ASTN1: variants seen among roughly 807,000 people sequenced by gnomAD.
ASTN1 encodes astrotactin 1.
A neutral mutation model predicts 140.7 loss-of-function variants in ASTN1; 41 were observed. That is an observed-to-expected ratio of 0.29 (90% CI 0.23 to 0.38). ASTN1 has a LOEUF of 0.38. Ranked by LOEUF, ASTN1 falls within the 10% of genes least tolerant of loss-of-function variation. ASTN1 has a pLI of 1.00. For missense variants in ASTN1, 1,479 were observed against 1,678.8 expected (o/e 0.88, Z 2.08); for synonymous variants, 640 against 652.2 (o/e 0.98, Z 0.29).
At chr1:176,919,878 G>A (rs2103071681) in intron 16 of ASTN1, among the ~76,000 whole-genome samples, 1 of 152,334 alleles carries the variant, frequency 6.6e-6, no homozygotes, top group East Asian at 1.9e-4. Context: ...AGAATGTCAG[G>A]GGAGTGCCAG....
chr1:176,934,516 C>T lies in ASTN1; in HGVS notation c.2483-176G>A, dbSNP rs528381851. ...TTAGCTAAATGAGACATTTCAGTTC[C>T]TAAGTGAGTATCTTTTAAGCCAGTT... is the stretch of plus-strand genomic sequence containing the variant. On this transcript the variant is annotated intron_variant, in intron 15 of 22. Transcript: ENST00000361833. Among the ~76,000 whole-genome samples the T allele has an allele frequency of 1.4e-4, 21 of 152,202 alleles. 1 individual carries two copies. Among genetic ancestry groups the T allele is most frequent in the Admixed American group, 1.4e-3 (21 of 15,294 alleles).
intron 1 of ASTN1, among the ~76,000 whole-genome samples, chr1:177,093,139 A>G (rs57108422): frequency 0.03 from 4,569 of 152,316 alleles, 111 homozygotes; most frequent in East Asian, 0.11. Context: ...CTCTGAATAT[A>G]TATTTGTTGG....
chr1:176,883,492 C>G (rs1365501942), intron 19 of ASTN1, among the ~76,000 whole-genome samples: 1 of 152,154 alleles, frequency 6.6e-6, no homozygotes, highest in Non-Finnish European at 1.5e-5. Flanking sequence ...CAACGCCTGG[C>G]CTGGGCGCTC....
At chr1:177,061,308 G>A in intron 1 of ASTN1, 43 bp from the exon 2 acceptor site, 2 of 1,428,672 alleles carry the variant, frequency 1.4e-6, no homozygotes, top group South Asian at 3.3e-5. Flanking sequence ...ATTAGGATGG[G>A]ACCAAGTTTT....
At chr1:176,973,291 G>C (rs372705623) in intron 8 of ASTN1, among the ~76,000 whole-genome samples, 1 of 152,034 alleles carries the variant, frequency 6.6e-6, no homozygotes, top group Non-Finnish European at 1.5e-5. Flanking sequence ...CTGTTTTCCC[G>C]ACCTTCACCC....
intron 8 of ASTN1, among the ~76,000 whole-genome samples, chr1:176,995,419 T>G (rs541696796): frequency 2.0e-5 from 3 of 152,204 alleles, no homozygotes; most frequent in Non-Finnish European, 2.9e-5. Flanking sequence ...ACTATCTGCA[T>G]GCAGATTTTA....
chr1:176,972,757 C>T (rs543317815), intron 8 of ASTN1, among the ~76,000 whole-genome samples: 1 of 152,086 alleles, frequency 6.6e-6, no homozygotes, highest in African/African-American at 2.4e-5. Flanking sequence ...TAGTAGAAAA[C>T]AAACTTATTT....
rs142140694 is a variant in ASTN1 at position 176,888,134 on chromosome 1, C to T, written c.3011G>A (p.Arg1004Gln). The change falls in exon 18 of 23, where the codon CGA becomes CAA. Residue 1004 changes from arginine (R) to glutamine (Q), a missense_variant. Coordinates refer to ENST00000361833, the MANE Select transcript of ASTN1 (RefSeq NM_004319.3). ...AGCTCCAAAAGCAGTGGAGTCACAT[C>T]GACACCAGTCCTCGATGACATCTCC... ...GTGDVIEDWC[R>Q]CDSTAFGADG... The T allele has an allele frequency of 1.6e-4, 253 of 1,614,114 alleles. 1 individual carries two copies. The African/African-American group carries it at 3.0e-3, about 19-fold the overall frequency.
chr1:177,003,237 T>C (rs1351503643), intron 8 of ASTN1, among the ~76,000 whole-genome samples: 2 of 147,214 alleles, frequency 1.4e-5, no homozygotes, highest in Non-Finnish European at 3.0e-5. Context: ...ACGCAAAAAC[T>C]CCAACAAAAT....
intron 8 of ASTN1, among the ~76,000 whole-genome samples, chr1:176,973,559 T>A (rs1008934502): frequency 1.3e-5 from 2 of 152,198 alleles, no homozygotes; most frequent in Non-Finnish European, 2.9e-5. Flanking sequence ...TCTTGAATAC[T>A]GCCCAGTGAT....
chr1:177,090,138 T>C (rs1679676569), intron 1 of ASTN1, among the ~76,000 whole-genome samples: 1 of 151,944 alleles, frequency 6.6e-6, no homozygotes, highest in African/African-American at 2.4e-5. Flanking sequence ...ATTGATAATC[T>C]TTGTAATTCA....
rs185530252 is a variant in ASTN1 at position 177,060,072 on chromosome 1, A to G, written c.471+1006T>C. Among the ~76,000 whole-genome samples the G allele has an allele frequency of 2.8e-4, 43 of 152,358 alleles. 1 individual carries two copies. In the East Asian group the frequency reaches 7.3e-3, roughly 26 times the overall value. On this transcript the variant is annotated intron_variant, in intron 2 of 22. Transcript: ENST00000361833. Reference sequence around the variant, plus strand: ...CTTATTCCACAAATATTAATTAAGTATCAACGATGTGAATGCATTGTTCTA... The same window carrying G: ...CTTATTCCACAAATATTAATTAAGTGTCAACGATGTGAATGCATTGTTCTA...
chr1:177,107,943 T>C (rs941174707), intron 1 of ASTN1, among the ~76,000 whole-genome samples: 2 of 152,024 alleles, frequency 1.3e-5, no homozygotes, highest in African/African-American at 2.4e-5. Context: ...TAAGGGATGT[T>C]ACAAAAGGGA....
chr1:176,870,747 G>T (rs920955359), intron 21 of ASTN1, among the ~76,000 whole-genome samples: 2 of 152,118 alleles, frequency 1.3e-5, no homozygotes, highest in African/African-American at 4.8e-5. Context: ...TAGATTTTCA[G>T]GTTGTTAAAA....
At chr1:176,944,154 C>T (rs540355626) in intron 13 of ASTN1, 136 bp from the exon 14 acceptor site, 50 of 1,162,714 alleles carry the variant, frequency 4.3e-5, no homozygotes, top group Admixed American at 3.9e-4. Context: ...CTCAGCTCAC[C>T]GCAACCTCTG....
At chr1:177,056,220 C>T (rs1163437682) in intron 2 of ASTN1, among the ~76,000 whole-genome samples, 2 of 152,336 alleles carry the variant, frequency 1.3e-5, no homozygotes, top group East Asian at 1.9e-4. Context: ...TACTTTTCCA[C>T]ACTGGAACTT....
At chr1:176,867,592 C>A (rs974182510) in intron 22 of ASTN1, among the ~76,000 whole-genome samples, 1 of 152,188 alleles carries the variant, frequency 6.6e-6, no homozygotes, top group Non-Finnish European at 1.5e-5. Flanking sequence ...TGTCCAAGAA[C>A]TATCACCCTT....
At chr1:176,962,582 A>T (rs1337621291) in intron 9 of ASTN1, among the ~76,000 whole-genome samples, 2 of 152,208 alleles carry the variant, frequency 1.3e-5, no homozygotes, top group Non-Finnish European at 2.9e-5. Context: ...ATAATTGACA[A>T]ATACATATTA....
chr1:177,072,682 G>A (rs1678700010), intron 1 of ASTN1, among the ~76,000 whole-genome samples: 1 of 152,092 alleles, frequency 6.6e-6, no homozygotes, highest in South Asian at 2.1e-4. Context: ...TCCTCTACAA[G>A]CCCTCCAAAC....
Sources: allele counts gnomAD v4.1 joint callset (sites outside exome capture counted in the v4.1 genomes callset), GRCh38; gene constraint gnomAD v4.1.1; transcripts MANE v1.5; gene names NCBI Gene and HGNC (gene_info 2026-07-23, HGNC 2026-07-21).